DLGAP2: variants seen among roughly 807,000 people sequenced by gnomAD.
DLGAP2 encodes the protein disks large-associated protein 2.
In DLGAP2, 26 loss-of-function variants were observed where a neutral mutation model predicts 100.3. The ratio of observed to expected loss-of-function variants is 0.26; its 90% confidence interval spans 0.19 to 0.36. The LOEUF (loss-of-function observed/expected upper bound fraction) is 0.36, where lower values mean the gene tolerates loss of function less well. Ranked by LOEUF, DLGAP2 falls within the 10% of genes least tolerant of loss-of-function variation. DLGAP2 has a pLI of 1.00. For synonymous variants in DLGAP2, 886 were observed against 630.1 expected (o/e 1.41, Z -6.08); for missense variants, 1,858 against 1,453.2 (o/e 1.28, Z -4.53).
Position 893,768 on chromosome 8 carries a change from G to A in DLGAP2, c.19-14144G>A, listed in dbSNP as rs377142322. Among the ~76,000 whole-genome samples, 6 of 152,270 alleles carry A rather than the reference G, an allele frequency of 3.9e-5. No homozygotes were observed. In the East Asian group the frequency reaches 1.2e-3, roughly 29 times the overall value. On this transcript the variant is annotated intron_variant, in intron 1 of 14. Transcript: ENST00000637795. ...CAGAGCACCAGCCCTGCCAGGTGCT[G>A]TCCTAGGCTCTGGACATGGGGGTCT...
intron 2 of DLGAP2, among the ~76,000 whole-genome samples, chr8:1,206,063 C>T (rs1026857212): frequency 5.3e-5 from 8 of 152,120 alleles, no homozygotes; most frequent in Non-Finnish European, 1.2e-4. Context: ...CCATCTCAGT[C>T]GGGATATCTC....
rs569356079 is a variant in DLGAP2, at chr8:864,595, A to G, written c.19-43317A>G. Among the ~76,000 whole-genome samples, 92 of 152,320 alleles carry G rather than the reference A, an allele frequency of 6.0e-4. 1 individual carries two copies. The Middle Eastern group carries it at 0.014, about 23-fold the overall frequency. ...TATCAAGCTACTTCCACATGATACG[A>G]TATTTTAATTCACTTCCGCTCAAAT... On this transcript the variant is annotated intron_variant, in intron 1 of 14. Coordinates refer to ENST00000637795, the MANE Select transcript of DLGAP2 (RefSeq NM_001346810.2).
chr8:1,418,804 C>T (rs13266938), intron 3 of DLGAP2, among the ~76,000 whole-genome samples: 32,384 of 152,216 alleles, frequency 0.21, 3,724 homozygotes, highest in East Asian at 0.33. Context: ...CCTCAGACCC[C>T]GCAGGTTAAG....
intron 2 of DLGAP2, among the ~76,000 whole-genome samples, chr8:934,378 G>A (rs551538475): frequency 6.6e-6 from 1 of 152,302 alleles, no homozygotes; most frequent in South Asian, 2.1e-4. Context: ...GGCAGAGACT[G>A]CTGTGGAGAC....
chr8:1,664,301 G>C (rs1385161187), intron 8 of DLGAP2, among the ~76,000 whole-genome samples: 2 of 152,124 alleles, frequency 1.3e-5, no homozygotes, highest in African/African-American at 2.4e-5. Context: ...CTAGGCACAG[G>C]CTATGTCCGC....
At chr8:1,409,148 C>A (rs779272973) in intron 3 of DLGAP2, among the ~76,000 whole-genome samples, 3 of 89,254 alleles carry the variant, frequency 3.4e-5, no homozygotes, top group African/African-American at 8.1e-5. Context: ...TCCCCTTGGA[C>A]CACTGCCCAG....
chr8:1,528,395 A>C, intron 4 of DLGAP2, among the ~76,000 whole-genome samples: 1 of 152,240 alleles, frequency 6.6e-6, no homozygotes, highest in East Asian at 1.9e-4. Context: ...AGAGGAAGAA[A>C]GTAAAGCAAA....
At chr8:994,790 C>G (rs1049868354) in intron 2 of DLGAP2, among the ~76,000 whole-genome samples, 8 of 152,118 alleles carry the variant, frequency 5.3e-5, no homozygotes, top group East Asian at 1.9e-4. Flanking sequence ...AAGCAAGTCC[C>G]CAAAGTGTGA....
At chr8:1,308,003 G>C (rs774906387) in intron 3 of DLGAP2, among the ~76,000 whole-genome samples, 40 of 152,262 alleles carry the variant, frequency 2.6e-4, no homozygotes, top group Non-Finnish European at 4.7e-4. Flanking sequence ...TGGTTAAGAT[G>C]AGTATTTTAC....
chr8:812,328 C>T (rs1443516553), intron 1 of DLGAP2, among the ~76,000 whole-genome samples: 6 of 152,076 alleles, frequency 3.9e-5, no homozygotes, highest in South Asian at 4.2e-4. Flanking sequence ...CCTGACTGCC[C>T]ATGGGGGATG....
intron 2 of DLGAP2, among the ~76,000 whole-genome samples, chr8:1,204,622 G>C (rs1164576774): frequency 6.6e-6 from 1 of 152,114 alleles, no homozygotes; most frequent in Non-Finnish European, 1.5e-5. Context: ...GGAGAGACAG[G>C]CTGGGAACTG....
rs78056050 is a variant in DLGAP2 at position 1,469,133 on chromosome 8, C to G, written c.107-32233C>G. Among the ~76,000 whole-genome samples the G allele has an allele frequency of 7.2e-3, 1,099 of 152,326 alleles. 14 individuals are homozygous for G. The highest frequency in any genetic ancestry group is 0.026 in the African/African-American group (1,069 of 41,564). On this transcript the variant is annotated intron_variant, in intron 3 of 14. Transcript: ENST00000637795. ...TCCATGCTGGGCGCCCCGTGTCCAG[C>G]TGGGATGTGAGCACCAGGCAGAGGC...
At chr8:1,463,944 G>A (rs1211428694) in intron 3 of DLGAP2, among the ~76,000 whole-genome samples, 3 of 152,242 alleles carry the variant, frequency 2.0e-5, no homozygotes, top group Non-Finnish European at 4.4e-5. Context: ...CAGTTGTCCT[G>A]AGGGAAGAGG....
intron 3 of DLGAP2, among the ~76,000 whole-genome samples, chr8:1,362,740 T>G (rs1802014903): frequency 6.6e-6 from 1 of 152,224 alleles, no homozygotes; most frequent in Non-Finnish European, 1.5e-5. Context: ...GCCAAAGCCT[T>G]AGTGTCAAGC....
rs75466137 is a variant in DLGAP2 at position 1,125,143 on chromosome 8, AT to A, written c.74-133705del. ...CATTTTCCCAAGATTGACTTTAAAT[AT>A]TTCCCCGCTAGGATGCATGGCCTTG... On this transcript the variant is annotated intron_variant, in intron 2 of 14. Transcript: ENST00000637795. Among the ~76,000 whole-genome samples, 317 of 152,262 alleles carry A rather than the reference AT, an allele frequency of 2.1e-3. 13 individuals carry two copies. In the East Asian group the frequency reaches 0.046, roughly 22 times the overall value.
intron 2 of DLGAP2, among the ~76,000 whole-genome samples, chr8:1,214,823 A>C (rs1389780969): frequency 6.6e-6 from 1 of 152,250 alleles, no homozygotes; most frequent in Non-Finnish European, 1.5e-5. Flanking sequence ...TCCACATAAC[A>C]TTCTTTAATG....
intron 1 of DLGAP2, among the ~76,000 whole-genome samples, chr8:763,794 TA>T (rs1035714217): frequency 6.6e-6 from 1 of 151,964 alleles, no homozygotes; most frequent in African/African-American, 2.4e-5. Context: ...TGGTAGAATT[TA>T]AAAAAAATGA....
At chr8:742,165 C>A (rs1820502889) in intron 1 of DLGAP2, among the ~76,000 whole-genome samples, 1 of 152,192 alleles carries the variant, frequency 6.6e-6, no homozygotes, top group Non-Finnish European at 1.5e-5. Context: ...GACATTTCCA[C>A]ATTAAACCTC....
chr8:1,426,557 T>G (rs1365300369), intron 3 of DLGAP2, among the ~76,000 whole-genome samples: 2 of 152,162 alleles, frequency 1.3e-5, no homozygotes, highest in East Asian at 3.9e-4. Flanking sequence ...CCATCCAGAC[T>G]GAAAGGGTTC....
Sources: allele counts gnomAD v4.1 joint callset (sites outside exome capture counted in the v4.1 genomes callset), GRCh38; gene constraint gnomAD v4.1.1; transcripts MANE v1.5; gene names NCBI Gene and HGNC (gene_info 2026-07-23, HGNC 2026-07-21).